ARHGEF16: variants seen among roughly 807,000 people sequenced by gnomAD.
ARHGEF16 encodes the protein Rho guanine exchange factor (GEF) 16.
A neutral mutation model predicts 74.1 loss-of-function variants in ARHGEF16; 59 were observed. That is an observed-to-expected ratio of 0.80 (90% CI 0.65 to 0.99). ARHGEF16 has a LOEUF of 0.99. ARHGEF16 is among the 50% of genes least tolerant of loss of function. The pLI is 0.00. For missense variants in ARHGEF16, 948 were observed against 986.6 expected, an observed-to-expected ratio of 0.96 and a Z score of 0.52; for synonymous variants, 415 against 412.6, an observed-to-expected ratio of 1.01 and a Z score of -0.07.
At chr1:3,461,687 A>G (rs1429851012) in intron 1 of ARHGEF16, among the ~76,000 whole-genome samples, 1 of 152,172 alleles carries the variant, frequency 6.6e-6, no homozygotes, top group Non-Finnish European at 1.5e-5. Flanking sequence ...GGTGATGTGT[A>G]GCCACAACAG....
At chr1:3,468,792 T>C in intron 4 of ARHGEF16, 88 bp from the exon 5 acceptor site, 1 of 1,469,132 alleles carries the variant, frequency 6.8e-7, no homozygotes, top group South Asian at 1.2e-5. Flanking sequence ...ATGTTGGCCC[T>C]GGTCCATCAG....
intron 2 of ARHGEF16, 52 bp downstream of exon 2, chr1:3,463,724 C>T: frequency 3.0e-6 from 4 of 1,324,668 alleles, no homozygotes; most frequent in Admixed American, 3.3e-5. Context: ...GGCAGAGGGG[C>T]GGCCTGGCCG....
At chr1:3,477,317 A>G (rs185016844) in intron 10 of ARHGEF16, among the ~76,000 whole-genome samples, 269 of 141,556 alleles carry the variant, frequency 1.9e-3, no homozygotes, top group East Asian at 8.8e-3. Context: ...CCCCCACACT[A>G]CCCACCCCAT....
rs1404952364 is a variant in ARHGEF16, at chr1:3,463,449, C to T, written c.365C>T (p.Pro122Leu). Residue 122 changes from proline to leucine, a missense_variant, in exon 2 of 15, where the codon CCT becomes CTT. By Grantham distance (98) the Pro-to-Leu change is moderately conservative (BLOSUM62 -3). Coordinates refer to ENST00000378378, the MANE Select transcript of ARHGEF16 (RefSeq NM_014448.4). ...AGCAGGGAGGCCGCCCGGCGGGACCCTAAGCTCCTCCCAGCCCCCAGCTTC... is the reference window on the plus strand; with the variant it reads ...AGCAGGGAGGCCGCCCGGCGGGACCTTAAGCTCCTCCCAGCCCCCAGCTTC... ...VLSREAARRD[P>L]KLLPAPSFSL... 3.2e-6 allele frequency: 5 copies of T among 1,542,346 alleles called. No individual in the cohort carries two copies. The highest frequency in any genetic ancestry group is 1.2e-5 in the South Asian group (1 of 83,520).
chr1:3,472,518 G>A (rs1248499894), intron 6 of ARHGEF16, among the ~76,000 whole-genome samples: 1 of 152,250 alleles, frequency 6.6e-6, no homozygotes, highest in African/African-American at 2.4e-5. Flanking sequence ...AACCCAGCTG[G>A]GAGCTTGACC....
intron 2 of ARHGEF16, among the ~76,000 whole-genome samples, chr1:3,464,085 C>A (rs987474040): frequency 6.6e-6 from 1 of 152,190 alleles, no homozygotes. Context: ...GGGACTCAGG[C>A]GGGAGGGACT....
At chr1:3,479,412 C>A in intron 12 of ARHGEF16, 105 bp from the exon 13 acceptor site, 1 of 1,132,898 alleles carries the variant, frequency 8.8e-7, no homozygotes, top group Non-Finnish European at 1.2e-6. Context: ...CCCCACCACC[C>A]CCATCTCCTT....
In ARHGEF16 at chr1:3,476,071, CCCCGGACATCAGGGCCA is replaced by C; in HGVS notation, c.1473+11_1473+27del. 6.5e-7 allele frequency: 1 copy of C among 1,549,204 alleles called. No homozygotes were observed. Among genetic ancestry groups the C allele is most frequent in the South Asian group, 1.2e-5 (1 of 83,856 alleles). On this transcript the variant is annotated intron_variant, in intron 10 of 14. Transcript: ENST00000378378. ...ACTTCAGCAAGGTCAAGGTAGGTGG[CCCCGGACATCAGGGCCA>C]CTCGGACCACTTCCCACTCAGCCCT...
rs371557779 is a variant in ARHGEF16, at chr1:3,478,488, C to T, written c.1690C>T (p.Pro564Ser). ...CCACATCCAGGTGGAGAAGATAGAG[C>T]CGTCTGAGCTCCCTCTGCCCGGGGG... ...MNHIQVEKIE[P>S]SELPLPGGGN... The change falls in exon 12 of 15, where the codon CCG (proline) becomes TCG (serine). Residue 564 changes from proline (P) to serine (S), a missense_variant. By Grantham distance (74) the Pro-to-Ser change is moderately conservative. Transcript: ENST00000378378. The T allele has an allele frequency of 6.2e-7, 1 of 1,612,468 alleles. No homozygotes were observed. Among genetic ancestry groups the T allele is most frequent in the Non-Finnish European group, 8.5e-7 (1 of 1,179,842 alleles).
intron 5 of ARHGEF16, 71 bp from the exon 6 acceptor site, chr1:3,469,362 C>A: frequency 6.4e-7 from 1 of 1,565,864 alleles, no homozygotes; most frequent in Non-Finnish European, 8.7e-7. Context: ...TCCTCCTGTT[C>A]CAAGCATTGG....
chr1:3,471,787 T>C lies in ARHGEF16; in HGVS notation c.1023-1291T>C, dbSNP rs74050519. 1,326 of 1,103,668 alleles carry C rather than the reference T, an allele frequency of 1.2e-3. 17 individuals are homozygous for C. In the African/African-American group the frequency reaches 0.021, roughly 18 times the overall value. 68.4% of individuals were successfully genotyped at this position (1,103,668 alleles called of 1,614,324 possible). ...GAACTGTCTGGGGAATCATCGCTATTTGGGGTAAGCGGCTGGTGGGCGGCT... is the reference window on the plus strand; with the variant it reads ...GAACTGTCTGGGGAATCATCGCTATCTGGGGTAAGCGGCTGGTGGGCGGCT... On this transcript the variant is annotated intron_variant, in intron 6 of 14. Transcript: ENST00000378378.
intron 3 of ARHGEF16, 56 bp downstream of exon 3, chr1:3,466,249 C>A: frequency 6.7e-7 from 1 of 1,490,970 alleles, no homozygotes; most frequent in Admixed American, 2.5e-5. Context: ...ACTGGTCTCA[C>A]TGGGGCACCC....
Position 3,467,178 on chromosome 1 carries a change from C to G in ARHGEF16, c.645C>G (p.Leu215=). 4 of 1,550,542 alleles carry G rather than the reference C, an allele frequency of 2.6e-6. No homozygotes were observed. Among genetic ancestry groups the G allele is most frequent in the Non-Finnish European group, 3.5e-6 (4 of 1,146,750 alleles). ...TCCTTCTCTCTCTAGACCCCCAGCT[C>G]TACCAGGAGATCCAGGAGCGGGGCC... ...HKGSFKDDPQ[L]YQEIQERGLN... is the part of the protein sequence containing the mutation. The change falls in exon 4 of 15, where the codon CTC becomes CTG. Residue 215 remains leucine, a synonymous_variant. Coordinates refer to ENST00000378378, the MANE Select transcript of ARHGEF16 (RefSeq NM_014448.4).
intron 11 of ARHGEF16, 143 bp downstream of exon 11, chr1:3,478,169 A>T: frequency 2.5e-6 from 3 of 1,212,916 alleles, no homozygotes. Context: ...CACATGCTCT[A>T]CGTGACACTC....
chr1:3,474,378 C>A, intron 8 of ARHGEF16: 1 of 333,508 alleles, frequency 3.0e-6, no homozygotes. Flanking sequence ...CCTCAAACTC[C>A]TGGGGGCCCC....
Position 3,469,596 on chromosome 1 carries a change from G to A in ARHGEF16, c.1022+3G>A. 6.2e-7 allele frequency: 1 copy of A among 1,612,732 alleles called. No individual in the cohort carries two copies. The highest frequency in any genetic ancestry group is 8.5e-7 in the Non-Finnish European group (1 of 1,179,982). ...GATGTCCTGGGTGCCAGTCAGAGGT[G>A]AGGCCACGCCACAGCCTTCCACACA... On this transcript the variant is annotated splice_donor_region_variant and intron_variant, in intron 6 of 14. Coordinates refer to ENST00000378378, the MANE Select transcript of ARHGEF16 (RefSeq NM_014448.4).
intron 3 of ARHGEF16, 74 bp downstream of exon 3, chr1:3,466,267 C>T (rs373725131): frequency 6.2e-5 from 90 of 1,457,108 alleles, no homozygotes; most frequent in African/African-American, 4.4e-5. Flanking sequence ...CCCTGGGGTT[C>T]GGGTGGGCCT....
Position 3,480,662 on chromosome 1 carries a change from TGG to T in ARHGEF16, c.*78_*79del, listed in dbSNP as rs1640033674. The T allele has an allele frequency of 4.5e-6, 7 of 1,541,232 alleles. 1 individual carries two copies. In the South Asian group the frequency reaches 8.4e-5, roughly 18 times the overall value. ...TGGTCGTGCCTGGCTCTAGAGAGCG[TGG>T]GGAGCTGGTCTCAAGGACCCAGCAT... On this transcript the variant is annotated 3_prime_UTR_variant, in exon 15 of 15. Transcript: ENST00000378378.
intron 11 of ARHGEF16, 77 bp from the exon 12 acceptor site, chr1:3,478,347 G>A: frequency 6.8e-7 from 1 of 1,463,704 alleles, no homozygotes; most frequent in Non-Finnish European, 9.3e-7. Context: ...GGAGCCGGGT[G>A]GGACCTGGAC....
Sources: gnomAD v4.1 joint callset for allele counts (sites outside exome capture counted in the v4.1 genomes callset) on GRCh38, gnomAD v4.1.1 for gene constraint, MANE v1.5 for transcripts, NCBI Gene and HGNC (gene_info 2026-07-23, HGNC 2026-07-21) for gene names.